The following BNC2 variants were observed in gnomAD, a reference collection of about 807,000 sequenced individuals.
The protein encoded by BNC2 is zinc finger protein basonuclin-2.
Under a neutral mutation model 76.3 loss-of-function variants are expected in BNC2, and 20 were observed. The ratio of observed to expected loss-of-function variants is 0.26; its 90% CI spans 0.18 to 0.38. The LOEUF is 0.38. BNC2 is among the 10% of genes least tolerant of loss of function. BNC2 has a pLI of 1.00. For synonymous variants in BNC2, 582 were observed against 514.8 expected, an observed-to-expected ratio of 1.13 and a Z score of -1.77; for missense variants, 1,382 against 1,399.8, an observed-to-expected ratio of 0.99 and a Z score of 0.20.
At chr9:16,515,187 T>C (rs1822848805) in intron 5 of BNC2, among the ~76,000 whole-genome samples, 1 of 152,148 alleles carries the variant, frequency 6.6e-6, no homozygotes. Flanking sequence ...AGCATGGAGA[T>C]CCGAGAGGGA....
intron 1 of BNC2, among the ~76,000 whole-genome samples, chr9:16,751,174 A>T (rs990472361): frequency 1.3e-5 from 2 of 151,968 alleles, no homozygotes; most frequent in African/African-American, 4.8e-5. Flanking sequence ...CTGAAGTCTA[A>T]AAAAAAACTA....
At chr9:16,468,953 T>C (rs1821756440) in intron 5 of BNC2, among the ~76,000 whole-genome samples, 1 of 152,202 alleles carries the variant, frequency 6.6e-6, no homozygotes, top group South Asian at 2.1e-4. Context: ...CTTTTCACTC[T>C]TATATTCACA....
chr9:16,695,853 C>T (rs1332357582), intron 3 of BNC2, among the ~76,000 whole-genome samples: 1 of 89,334 alleles, frequency 1.1e-5, no homozygotes, highest in Non-Finnish European at 3.7e-5. Context: ...GTTAACATCT[C>T]GAGCTAAACA....
intron 5 of BNC2, among the ~76,000 whole-genome samples, chr9:16,462,429 C>T (rs1231883011): frequency 6.6e-6 from 1 of 152,090 alleles, no homozygotes; most frequent in Admixed American, 6.6e-5. Flanking sequence ...TAAATGTTTG[C>T]CTTTAAGTGT....
intron 1 of BNC2, among the ~76,000 whole-genome samples, chr9:16,758,997 T>C (rs1655130808): frequency 1.3e-5 from 2 of 152,220 alleles, no homozygotes; most frequent in Non-Finnish European, 1.5e-5. Context: ...TAAACACAGA[T>C]TCCTAAGGAA....
In BNC2 at chr9:16,499,569, G is replaced by A. The variant is rs141318437; in HGVS notation, c.669+52961C>T. Among the ~76,000 whole-genome samples the A allele has an allele frequency of 4.7e-3, 552 of 116,398 alleles. 19 individuals are homozygous for A. The East Asian group carries it at 0.089, about 19-fold the overall frequency. 76.4% of individuals were successfully genotyped at this position (116,398 alleles called of 152,430 possible). ...TTTTGAGACAGAGTCTCACTCTGTT[G>A]TCCAAGCTGGAGTGCAATGGCACAA... is the stretch of plus-strand genomic sequence containing the variant. On this transcript the variant is annotated intron_variant, in intron 5 of 6. Coordinates refer to ENST00000380672, the MANE Select transcript of BNC2 (RefSeq NM_017637.6).
intron 1 of BNC2, among the ~76,000 whole-genome samples, chr9:16,767,328 C>G (rs1825723061): frequency 6.6e-6 from 1 of 152,186 alleles, no homozygotes. Flanking sequence ...GTCCTCAGTA[C>G]TGGGATAAAA....
chr9:16,571,735 C>T (rs893455964), intron 4 of BNC2, among the ~76,000 whole-genome samples: 1 of 151,538 alleles, frequency 6.6e-6, no homozygotes, highest in East Asian at 1.9e-4. Flanking sequence ...TCTTTTTTTT[C>T]CTTCAGTTTT....
intron 3 of BNC2, among the ~76,000 whole-genome samples, chr9:16,607,794 C>T (rs1820425891): frequency 6.6e-6 from 1 of 152,122 alleles, no homozygotes; most frequent in Non-Finnish European, 1.5e-5. Context: ...ACTGTAGTTC[C>T]AACTCTAGTG....
intron 1 of BNC2, among the ~76,000 whole-genome samples, chr9:16,807,684 T>C (rs1273446623): frequency 6.6e-6 from 1 of 152,216 alleles, no homozygotes; most frequent in East Asian, 1.9e-4. Context: ...CTAAATTGTT[T>C]AATTGAACCC....
At chr9:16,584,503 T>C (rs1018404249) in intron 3 of BNC2, among the ~76,000 whole-genome samples, 3 of 152,156 alleles carry the variant, frequency 2.0e-5, no homozygotes, top group African/African-American at 7.2e-5. Flanking sequence ...GTCCTCACTG[T>C]AGACTCCATT....
intron 2 of BNC2, among the ~76,000 whole-genome samples, chr9:16,737,852 T>C (rs1219252711): frequency 6.6e-6 from 1 of 152,128 alleles, no homozygotes; most frequent in Admixed American, 6.6e-5. Context: ...GGGACACTTT[T>C]GGGGTTCAGG....
chr9:16,431,195 A>C (rs41313975), intron 6 of BNC2, among the ~76,000 whole-genome samples: 12,702 of 152,294 alleles, frequency 0.083, 559 homozygotes, highest in Middle Eastern at 0.15. Context: ...CATTAAGACA[A>C]ATATAAATAG....
At chr9:16,836,407 G>T (rs1048671489) in intron 1 of BNC2, among the ~76,000 whole-genome samples, 1 of 151,750 alleles carries the variant, frequency 6.6e-6, no homozygotes, top group Non-Finnish European at 1.5e-5. Context: ...AAACATAAAG[G>T]GGTATATGAA....
chr9:16,777,185 G>A lies in BNC2; in HGVS notation c.4-38700C>T, dbSNP rs532513564. On this transcript the variant is annotated intron_variant, in intron 1 of 6. Coordinates refer to ENST00000380672, the MANE Select transcript of BNC2 (RefSeq NM_017637.6). ...AAAGTAAATAAATAAATAAATAAACGATAGGACAGTGGTTTGGGGCAGACA... is the reference window on the plus strand; with the variant it reads ...AAAGTAAATAAATAAATAAATAAACAATAGGACAGTGGTTTGGGGCAGACA... Among the ~76,000 whole-genome samples the A allele has an allele frequency of 5.2e-4, 79 of 151,890 alleles. 2 individuals are homozygous for A. In the South Asian group the frequency reaches 0.015, roughly 30 times the overall value.
intron 4 of BNC2, among the ~76,000 whole-genome samples, chr9:16,576,280 T>C (rs1334926981): frequency 6.6e-6 from 1 of 152,242 alleles, no homozygotes; most frequent in Non-Finnish European, 1.5e-5. Context: ...CTCCTCTCTT[T>C]ATCTTGACAC....
intron 1 of BNC2, among the ~76,000 whole-genome samples, chr9:16,822,544 G>A (rs1467723755): frequency 6.6e-6 from 1 of 152,108 alleles, no homozygotes; most frequent in African/African-American, 2.4e-5. Context: ...TAAAAGAGAG[G>A]CAGAAAGATG....
intron 5 of BNC2, among the ~76,000 whole-genome samples, chr9:16,448,732 T>C (rs1821278056): frequency 1.3e-5 from 2 of 152,192 alleles, no homozygotes; most frequent in South Asian, 2.1e-4. Context: ...TGTTCTTTTC[T>C]GGGTATAAGA....
intron 1 of BNC2, among the ~76,000 whole-genome samples, chr9:16,776,144 T>C (rs1825960569): frequency 6.6e-6 from 1 of 152,110 alleles, no homozygotes; most frequent in Non-Finnish European, 1.5e-5. Context: ...GATTTACTTA[T>C]TCATATTTTT....
Sources: gnomAD v4.1 joint callset for allele counts (sites outside exome capture counted in the v4.1 genomes callset) on GRCh38, gnomAD v4.1.1 for gene constraint, MANE v1.5 for transcripts, NCBI Gene and HGNC (gene_info 2026-07-23, HGNC 2026-07-21) for gene names.